The following PI4KA variants were observed in gnomAD, a reference collection of about 807,000 sequenced individuals.
The protein encoded by PI4KA is phosphatidylinositol 4-kinase alpha.
PI4KA carries 122 observed loss-of-function variants against 271.4 expected under a neutral mutation model. The observed-to-expected ratio is 0.45, with a 90% CI of 0.39 to 0.52. The LOEUF (loss-of-function observed/expected upper bound fraction) is 0.52. Among genes scored for constraint, PI4KA ranks in the 20% least tolerant of loss-of-function variants. PI4KA has a pLI of 0.00. For synonymous variants in PI4KA, 1,041 were observed against 1,078.8 expected, an observed-to-expected ratio of 0.96 and a Z score of 0.69; for missense variants, 1,969 against 2,769.1, an observed-to-expected ratio of 0.71 and a Z score of 6.48.
intron 18 of PI4KA, among the ~76,000 whole-genome samples, chr22:20,795,602 A>G (rs1198238798): frequency 6.6e-6 from 1 of 152,210 alleles, no homozygotes; most frequent in Non-Finnish European, 1.5e-5. Context: ...AACATGGTAG[A>G]GCGACTAGTG....
At chr22:20,769,694 G>T (rs909682623) in intron 19 of PI4KA, among the ~76,000 whole-genome samples, 1 of 151,840 alleles carries the variant, frequency 6.6e-6, no homozygotes, top group East Asian at 1.9e-4. Flanking sequence ...TCAAGGTCAG[G>T]GGGGAAGTGG....
intron 44 of PI4KA, among the ~76,000 whole-genome samples, chr22:20,718,319 C>G (rs4052229): frequency 1.1e-4 from 17 of 152,218 alleles, no homozygotes; most frequent in African/African-American, 2.4e-4. Context: ...GATGACAGGA[C>G]CTGCAAAGGC....
intron 23 of PI4KA, among the ~76,000 whole-genome samples, chr22:20,756,508 C>T (rs768868583): frequency 7.9e-5 from 12 of 152,102 alleles, no homozygotes; most frequent in Non-Finnish European, 1.6e-4. Flanking sequence ...GCGTGAGCCA[C>T]CACACCTGGC....
At chr22:20,807,899 C>T (rs1404970058) in intron 9 of PI4KA, among the ~76,000 whole-genome samples, 1 of 151,382 alleles carries the variant, frequency 6.6e-6, no homozygotes, top group Admixed American at 6.6e-5. Flanking sequence ...AATTAAAACT[C>T]ATTTTAAATT....
chr22:20,858,467 G>C (rs1201136496), intron 1 of PI4KA, 103 bp downstream of exon 1: 1 of 848,070 alleles, frequency 1.2e-6, no homozygotes, highest in Non-Finnish European at 1.6e-6. Flanking sequence ...ACAGGCTGCC[G>C]GCGAGCCCAG....
chr22:20,764,602 G>A (rs1045805027), intron 22 of PI4KA: 17 of 509,836 alleles, frequency 3.3e-5, no homozygotes, highest in East Asian at 2.3e-4. Context: ...AAGATGATGC[G>A]GAGCTTAGAT....
chr22:20,776,755 T>C (rs1401220215), intron 19 of PI4KA, among the ~76,000 whole-genome samples: 1 of 152,016 alleles, frequency 6.6e-6, no homozygotes, highest in African/African-American at 2.4e-5. Context: ...TCCTGATATA[T>C]AAAATGTTGG....
At chr22:20,817,011 G>A (rs1921892647) in intron 7 of PI4KA, among the ~76,000 whole-genome samples, 1 of 152,184 alleles carries the variant, frequency 6.6e-6, no homozygotes, top group Non-Finnish European at 1.5e-5. Context: ...TCAGAGCCTG[G>A]AGGAATACAT....
chr22:20,726,345 T>C (rs2147223225), intron 42 of PI4KA, 143 bp downstream of exon 42: 1 of 589,734 alleles, frequency 1.7e-6, no homozygotes, highest in East Asian at 3.5e-5. Flanking sequence ...GGGCCTGGGG[T>C]AGGGGGAGCA....
chr22:20,726,128 CAT>C (rs1927317748), intron 42 of PI4KA, among the ~76,000 whole-genome samples: 1 of 152,166 alleles, frequency 6.6e-6, no homozygotes, highest in South Asian at 2.1e-4. Flanking sequence ...CAGACTAATG[CAT>C]ATGTCATCTC....
intron 4 of PI4KA, among the ~76,000 whole-genome samples, 164 bp downstream of exon 4, chr22:20,824,162 A>T (rs1016804177): frequency 2.9e-4 from 44 of 152,138 alleles, no homozygotes; most frequent in African/African-American, 1.0e-3. Context: ...CCTAAAGAGT[A>T]GTGAAAGACC....
chr22:20,762,396 G>A (rs1218685270), intron 22 of PI4KA, among the ~76,000 whole-genome samples: 2 of 152,224 alleles, frequency 1.3e-5, no homozygotes, highest in Non-Finnish European at 2.9e-5. Flanking sequence ...ACCTGAGCCA[G>A]GTTCCTGAAT....
chr22:20,814,009 G>T (rs893812654), intron 7 of PI4KA, among the ~76,000 whole-genome samples: 2 of 152,176 alleles, frequency 1.3e-5, no homozygotes, highest in Non-Finnish European at 2.9e-5. Context: ...ATGTTGGCCA[G>T]GCTAGTCTCG....
At chr22:20,794,305 A>G (rs931044364) in intron 18 of PI4KA, among the ~76,000 whole-genome samples, 4 of 152,168 alleles carry the variant, frequency 2.6e-5, no homozygotes, top group African/African-American at 9.7e-5. Flanking sequence ...TTTCCAGGGG[A>G]GAGCAGGCTC....
chr22:20,812,862 T>C (rs752799371), intron 8 of PI4KA, among the ~76,000 whole-genome samples: 2 of 152,210 alleles, frequency 1.3e-5, no homozygotes, highest in African/African-American at 2.4e-5. Flanking sequence ...CCAGGGTCCC[T>C]GAATCTGACC....
At chr22:20,715,968 G>A (rs1925948351) in intron 45 of PI4KA, among the ~76,000 whole-genome samples, 4 of 152,048 alleles carry the variant, frequency 2.6e-5, no homozygotes, top group Admixed American at 2.6e-4. Context: ...TCGGCTCACT[G>A]CAACCTCCAC....
At position 20,748,663 on chromosome 22, in the gene PI4KA, T is replaced by C. The variant is rs574291855; in HGVS notation, c.3244-961A>G. ...ACCAACTAATTCCCTTAAGAAGAAA[T>C]GTACAGGAGTATATACATGCAGAAT... is the stretch of plus-strand genomic sequence containing the variant. On this transcript the variant is annotated intron_variant, in intron 28 of 54. Coordinates refer to ENST00000255882, the MANE Select transcript of PI4KA (RefSeq NM_058004.4). 3.3e-5 allele frequency among the ~76,000 whole-genome samples: 5 copies of C among 152,208 alleles called. No homozygotes were observed. The South Asian group carries it at 6.2e-4, about 19-fold the overall frequency.
chr22:20,856,495 C>T (rs1018627163), intron 1 of PI4KA, among the ~76,000 whole-genome samples: 2 of 148,898 alleles, frequency 1.3e-5, no homozygotes, highest in Non-Finnish European at 3.0e-5. Flanking sequence ...AGTGCAATGG[C>T]GCAATCTTGG....
intron 40 of PI4KA, 43 bp from the exon 41 acceptor site, chr22:20,727,440 G>C: frequency 6.5e-7 from 1 of 1,532,740 alleles, no homozygotes; most frequent in South Asian, 1.2e-5. Flanking sequence ...GGCAGTCCCG[G>C]GACCTCTGGA....
Sources: allele counts gnomAD v4.1 joint callset (sites outside exome capture counted in the v4.1 genomes callset), GRCh38; gene constraint gnomAD v4.1.1; transcripts MANE v1.5; gene names NCBI Gene and HGNC (gene_info 2026-07-23, HGNC 2026-07-21).